The following ABCA9 variants were observed in gnomAD, a reference collection of about 807,000 sequenced individuals.
The protein encoded by ABCA9 is ATP-binding cassette sub-family A member 9.
Under a neutral mutation model 205.3 loss-of-function variants are expected in ABCA9, and 183 were observed. The observed-to-expected ratio is 0.89, with a 90% CI of 0.79 to 1.01. The LOEUF (loss-of-function observed/expected upper bound fraction) is 1.01. Among genes scored for constraint, ABCA9 ranks in the 50% least tolerant of loss-of-function variants. The pLI is 0.00. For missense variants in ABCA9, 1,805 were observed against 1,912.4 expected (o/e 0.94, Z 1.05); for synonymous variants, 651 against 683.3 (o/e 0.95, Z 0.74).
At chr17:69,021,701 C>A in intron 18 of ABCA9, 41 bp downstream of exon 18, 1 of 1,324,488 alleles carries the variant, frequency 7.6e-7, no homozygotes. Flanking sequence ...TCCTTCCTTT[C>A]TTTCTTTCTC....
Position 68,998,366 on chromosome 17 carries a change from T to C in ABCA9, c.3436-2352A>G, listed in dbSNP as rs140780939. On this transcript the variant is annotated intron_variant, in intron 25 of 38. Transcript: ENST00000340001. Reference sequence around the variant, plus strand: ...GAACTGCAACTTGGTAGATATAATTTTGGAAGAGAGAAATTCCATTTCCTT... The same window carrying C: ...GAACTGCAACTTGGTAGATATAATTCTGGAAGAGAGAAATTCCATTTCCTT... Among the ~76,000 whole-genome samples the C allele has an allele frequency of 2.4e-4, 36 of 152,332 alleles. No homozygotes were observed. The South Asian group carries it at 7.2e-3, about 31-fold the overall frequency.
upstream of ABCA9, among the ~76,000 whole-genome samples, chr17:69,061,881 A>C (rs2072264459): frequency 6.6e-6 from 1 of 152,232 alleles, no homozygotes; most frequent in Non-Finnish European, 1.5e-5. Context: ...AAGTCTGTTA[A>C]ATTCTTCAGT....
intron 31 of ABCA9, among the ~76,000 whole-genome samples, chr17:68,988,506 A>G (rs2069324699): frequency 6.6e-6 from 1 of 152,150 alleles, no homozygotes; most frequent in African/African-American, 2.4e-5. Flanking sequence ...TGTTTCAATA[A>G]TTGTAGGAAA....
intron 6 of ABCA9, chr17:69,042,158 C>T (rs2071566693): frequency 1.5e-5 from 2 of 134,794 alleles, no homozygotes; most frequent in South Asian, 5.3e-4. Context: ...ACAATTCAAC[C>T]CTTGTTTCCT....
chr17:69,040,535 C>T (rs2071497181), intron 6 of ABCA9, among the ~76,000 whole-genome samples: 1 of 152,144 alleles, frequency 6.6e-6, no homozygotes, highest in Admixed American at 6.6e-5. Flanking sequence ...AGAGGAACAT[C>T]ACACACTGGG....
In ABCA9 at chr17:68,982,629, C is replaced by T. The variant is rs1390355465; in HGVS notation, c.4653G>A (p.Leu1551=). The T allele has an allele frequency of 6.2e-7, 1 of 1,613,962 alleles. No homozygotes were observed. Among genetic ancestry groups the T allele is most frequent in the Non-Finnish European group, 8.5e-7 (1 of 1,179,852 alleles). The change falls in exon 37 of 39, where the codon CTG becomes CTA. Residue 1551 remains leucine, a synonymous_variant. Coordinates refer to ENST00000340001, the MANE Select transcript of ABCA9 (RefSeq NM_080283.4). ...CCTCAACAGGCAACTTATAGACCAT[C>T]AGGGAGGAGAACCTGCGAAGAGAAG... ...QAAQQERFSS[L]MVYKLPVEDV...
At chr17:69,017,858 C>T (rs1359660640) in intron 20 of ABCA9, 69 bp from the exon 21 acceptor site, 15 of 1,510,738 alleles carry the variant, frequency 9.9e-6, no homozygotes, top group Non-Finnish European at 1.4e-5. Flanking sequence ...ATTAAAAATA[C>T]ATTACATCAC....
chr17:68,992,127 A>T (rs2069471333), intron 28 of ABCA9, 48 bp downstream of exon 28: 1 of 1,344,556 alleles, frequency 7.4e-7, no homozygotes. Context: ...AAGTCCTTAA[A>T]GAATGAATAT....
chr17:69,059,402 A>C (rs1256787659), intron 1 of ABCA9, among the ~76,000 whole-genome samples: 1 of 152,130 alleles, frequency 6.6e-6, no homozygotes, highest in Non-Finnish European at 1.5e-5. Flanking sequence ...AGGGAGGCAG[A>C]CAAGATCAGA....
intron 25 of ABCA9, among the ~76,000 whole-genome samples, chr17:68,998,829 T>C (rs1424265825): frequency 1.3e-5 from 2 of 149,582 alleles, no homozygotes; most frequent in Non-Finnish European, 2.9e-5. Context: ...GGATCTAAAA[T>C]TTCTTTTTTT....
At chr17:69,005,344 T>G (rs1220118379) in intron 25 of ABCA9, among the ~76,000 whole-genome samples, 2 of 152,280 alleles carry the variant, frequency 1.3e-5, no homozygotes, top group East Asian at 1.9e-4. Flanking sequence ...AATCTCATTG[T>G]CAAGGGGTGG....
the ABCA9 span, among the ~76,000 whole-genome samples, chr17:69,067,578 AAGAG>A: frequency 6.8e-6 from 1 of 147,664 alleles, no homozygotes; most frequent in African/African-American, 2.5e-5. Context: ...AAAAAAAAGA[AAGAG>A]AGAGAGACAG....
intron 23 of ABCA9, among the ~76,000 whole-genome samples, chr17:69,010,536 A>ATAAT (rs2070335538): frequency 6.6e-6 from 1 of 152,170 alleles, no homozygotes; most frequent in Non-Finnish European, 1.5e-5. Flanking sequence ...GACAACATAA[A>ATAAT]TAATTAGAAT....
At chr17:68,982,250 T>C (rs1037173688) in intron 37 of ABCA9, among the ~76,000 whole-genome samples, 14 of 152,170 alleles carry the variant, frequency 9.2e-5, no homozygotes, top group African/African-American at 3.4e-4. Flanking sequence ...CCAGCACTAA[T>C]GACGTTTTGA....
rs549546351 is a variant in ABCA9 at position 69,009,627 on chromosome 17, T to C, written c.3148-1392A>G. On this transcript the variant is annotated intron_variant, in intron 23 of 38. Coordinates refer to ENST00000340001, the MANE Select transcript of ABCA9 (RefSeq NM_080283.4). ...GAGAATTAACATGGTCAGCTTTGTGTTTTTAAGGTATTACTCTGTCACACT... is the reference window on the plus strand; with the variant it reads ...GAGAATTAACATGGTCAGCTTTGTGCTTTTAAGGTATTACTCTGTCACACT... Among the ~76,000 whole-genome samples the C allele has an allele frequency of 3.3e-5, 5 of 152,274 alleles. No individual in the cohort carries two copies. The South Asian group carries it at 1.0e-3, about 32-fold the overall frequency.
rs770502750 is a variant in ABCA9 at position 69,051,360 on chromosome 17, T to C, written c.-13-221A>G. Among the ~76,000 whole-genome samples, 38 of 152,200 alleles carry C rather than the reference T, an allele frequency of 2.5e-4. 1 individual carries two copies. The highest frequency in any genetic ancestry group is 6.2e-4 in the South Asian group (3 of 4,836). Reference sequence around the variant, plus strand: ...ACTATCAGATATTATTTCTCCATCATTGGATTGAGAAAAATCAGAAGAGTG... The same window carrying C: ...ACTATCAGATATTATTTCTCCATCACTGGATTGAGAAAAATCAGAAGAGTG... On this transcript the variant is annotated intron_variant, in intron 1 of 38. Transcript: ENST00000340001.
chr17:69,020,627 T>G (rs760008747), intron 18 of ABCA9, 41 bp from the exon 19 acceptor site: 1 of 1,571,624 alleles, frequency 6.4e-7, no homozygotes, highest in Non-Finnish European at 8.7e-7. Context: ...GCCATTTTAG[T>G]TATGCATTAT....
At chr17:69,020,613 A>C (rs376536991) in intron 18 of ABCA9, 27 bp from the exon 19 acceptor site, 7 of 1,596,986 alleles carry the variant, frequency 4.4e-6, no homozygotes. Context: ...ATATTTTATA[A>C]AGTGCCATTT....
intron 6 of ABCA9, among the ~76,000 whole-genome samples, chr17:69,038,760 G>C (rs1377399001): frequency 6.6e-6 from 1 of 151,976 alleles, no homozygotes; most frequent in Non-Finnish European, 1.5e-5. Flanking sequence ...TCAAATAGGA[G>C]GAAAGGAAGT....
Sources: allele counts gnomAD v4.1 joint callset (sites outside exome capture counted in the v4.1 genomes callset), GRCh38; gene constraint gnomAD v4.1.1; transcripts MANE v1.5; gene names NCBI Gene and HGNC (gene_info 2026-07-23, HGNC 2026-07-21).